The following JAK3 variants were observed in gnomAD, a reference collection of about 807,000 sequenced individuals.
JAK3 encodes the protein tyrosine-protein kinase JAK3.
A neutral mutation model predicts 120.8 loss-of-function variants in JAK3; 88 were observed. That is an observed-to-expected ratio of 0.73 (90% CI 0.61 to 0.87). The LOEUF is 0.87. JAK3 is among the 40% of genes least tolerant of loss of function. JAK3 has a pLI of 0.00. For synonymous variants in JAK3, 592 were observed against 628.6 expected, an observed-to-expected ratio of 0.94 and a Z score of 0.87; for missense variants, 1,254 against 1,501.4, an observed-to-expected ratio of 0.84 and a Z score of 2.72.
At chr19:17,828,149 C>T (rs1209323288) in intron 23 of JAK3, among the ~76,000 whole-genome samples, 1 of 152,116 alleles carries the variant, frequency 6.6e-6, no homozygotes, top group African/African-American at 2.4e-5. Flanking sequence ...CGTAAGAGGC[C>T]CTCTTTGACC....
chr19:17,825,745 C>G lies in JAK3; in HGVS notation c.*998G>C, dbSNP rs574820883. On this transcript the variant is annotated 3_prime_UTR_variant, in exon 24 of 24. Coordinates refer to ENST00000458235, the MANE Select transcript of JAK3 (RefSeq NM_000215.4). The stretch of plus-strand genomic sequence containing the variant: ...TGAAACCCCGTCTCTACTAAAAATA[C>G]AAAAAATTAGCCGGGTGTGGTGGCG... 2 of 158,862 alleles carry G rather than the reference C, an allele frequency of 1.3e-5. No individual in the cohort carries two copies. Among genetic ancestry groups the G allele is most frequent in the South Asian group, 2.1e-4 (1 of 4,876 alleles). The allele number at this position is 158,862 out of a possible 1,614,324, so 9.8% of individuals were successfully genotyped here.
chr19:17,837,038 G>T lies in JAK3; in HGVS notation c.1786+91C>A, dbSNP rs3212756. 0.012 allele frequency: 10,345 copies of T among 836,798 alleles called. 728 individuals are homozygous for T. In the African/African-American group the frequency reaches 0.16, roughly 13 times the overall value. 51.8% of individuals were successfully genotyped at this position (836,798 alleles called of 1,614,324 possible). ...CCAGGGTGGCCCAGTGTGTTGCTGGGGCTGTCATATAGCGGCTCAGAACAG... is the reference window on the plus strand; with the variant it reads ...CCAGGGTGGCCCAGTGTGTTGCTGGTGCTGTCATATAGCGGCTCAGAACAG... On this transcript the variant is annotated intron_variant, in intron 13 of 23. Coordinates refer to ENST00000458235, the MANE Select transcript of JAK3 (RefSeq NM_000215.4).
In JAK3 at chr19:17,843,162, T is replaced by A. The variant is rs1486760100; in HGVS notation, c.431A>T (p.Asp144Val). The change falls in exon 5 of 24, where the codon GAC becomes GTC. Residue 144 changes from aspartate (D) to valine (V), a missense_variant. Asp to Val is a radical substitution (Grantham distance 152, BLOSUM62 -3). This residue lies in a region of JAK3 where 486 missense variants were observed against 503.0 expected (regional missense o/e 0.97). Transcript: ENST00000458235. The surrounding 1 kb of genome is among the most constrained non-coding windows in gnomAD (Gnocchi z 5.4). ...LEHLFAQHRS[D>V]LVSGRLPVGL... ...CACGGGGAGGCGCCCACTCACCAGG[T>A]CACTGCGGTGCTGGGGGGCCGCCAC... 1 of 1,605,480 alleles carries A rather than the reference T, an allele frequency of 6.2e-7. No individual in the cohort carries two copies. The highest frequency in any genetic ancestry group is 8.5e-7 in the Non-Finnish European group (1 of 1,178,832).
At chr19:17,828,128 A>G (rs1208632943) in intron 23 of JAK3, among the ~76,000 whole-genome samples, 1 of 151,922 alleles carries the variant, frequency 6.6e-6, no homozygotes, top group Non-Finnish European at 1.5e-5. Flanking sequence ...TCCTCCTTCC[A>G]GCGTCGGCCC....
intron 8 of JAK3, among the ~76,000 whole-genome samples, chr19:17,840,887 AG>A (rs1350110478): frequency 6.6e-6 from 1 of 152,034 alleles, no homozygotes; most frequent in Non-Finnish European, 1.5e-5. Context: ...GTGCAATCTC[AG>A]CTCACTGCAG....
Position 17,843,026 on chromosome 19 carries a change from C to A in JAK3, c.566+1G>T. The A allele has an allele frequency of 6.2e-7, 1 of 1,610,402 alleles. No individual in the cohort carries two copies. Among genetic ancestry groups the A allele is most frequent in the Non-Finnish European group, 8.5e-7 (1 of 1,179,940 alleles). ...CGTCCCCACAGCCTGGTGGCTCTCACCTGACAGTCTTCAGCAGCTCTCCCG... is the reference window on the plus strand; with the variant it reads ...CGTCCCCACAGCCTGGTGGCTCTCAACTGACAGTCTTCAGCAGCTCTCCCG... On this transcript the variant is annotated splice_donor_variant, in intron 5 of 23. Coordinates refer to ENST00000458235, the MANE Select transcript of JAK3 (RefSeq NM_000215.4). LOFTEE classifies it high-confidence loss of function. The surrounding 1 kb of genome is among the most constrained non-coding windows in gnomAD (Gnocchi z 5.4).
intron 8 of JAK3, among the ~76,000 whole-genome samples, chr19:17,840,756 C>T (rs926580402): frequency 1.3e-5 from 2 of 150,812 alleles, no homozygotes; most frequent in African/African-American, 5.0e-5. Context: ...GAGCCAGACT[C>T]CGTCTCAAAA....
chr19:17,827,411 G>A (rs1289075245), intron 23 of JAK3, among the ~76,000 whole-genome samples: 5 of 151,412 alleles, frequency 3.3e-5, no homozygotes, highest in Non-Finnish European at 7.4e-5. Flanking sequence ...GCAGTGGTGC[G>A]ATCTCGGCTC....
At chr19:17,828,920 C>G (rs920105995) in intron 23 of JAK3, among the ~76,000 whole-genome samples, 1 of 151,828 alleles carries the variant, frequency 6.6e-6, no homozygotes, top group East Asian at 1.9e-4. Context: ...TTTGGGAGGC[C>G]GAGGCAGGAG....
intron 1 of JAK3, among the ~76,000 whole-genome samples, chr19:17,845,445 G>A (rs866349780): frequency 9.9e-5 from 15 of 151,882 alleles, no homozygotes; most frequent in Admixed American, 6.6e-4. Context: ...GTGAGCCACC[G>A]CGCCTGGCCG....
At position 17,843,836 on chromosome 19, in the gene JAK3, G is replaced by A; in HGVS notation, c.249C>T (p.Pro83=). 1 of 1,613,542 alleles carries A rather than the reference G, an allele frequency of 6.2e-7. No homozygotes were observed. The highest frequency in any genetic ancestry group is 8.5e-7 in the Non-Finnish European group (1 of 1,179,964). The part of the protein sequence containing the change: ...LATEDLSCWF[P]PSHIFSVEDA... ...CCTCCACGGAGAAGATGTGGCTCGGGGGGAACCAGCAGGACAGGTCCTCCG... is the reference window on the plus strand; with the variant it reads ...CCTCCACGGAGAAGATGTGGCTCGGAGGGAACCAGCAGGACAGGTCCTCCG... The change falls in exon 3 of 24, where the codon CCC becomes CCT. Residue 83 remains proline (P), a synonymous_variant. Transcript: ENST00000458235. This position sits in a 1 kb window ranked among gnomAD's most constrained non-coding sequence, Gnocchi z 5.4.
intron 13 of JAK3, among the ~76,000 whole-genome samples, chr19:17,836,306 A>G (rs1433291272): frequency 1.3e-5 from 2 of 151,912 alleles, no homozygotes; most frequent in African/African-American, 4.8e-5. Context: ...CTTTTGAGAC[A>G]GAGTCTTACT....
chr19:17,832,571 T>C lies in JAK3; in HGVS notation c.2628A>G (p.Lys876=). ...TGACAATGAAATCACTGTGCAGTGC[T>C]TTGAGGATCTGAATCTCCCGCTGAA... is the stretch of plus-strand genomic sequence containing the variant. ...RDFQREIQIL[K]ALHSDFIVKY... The change falls in exon 19 of 24, where the codon AAA becomes AAG. Residue 876 remains lysine (K), a synonymous_variant. Coordinates refer to ENST00000458235, the MANE Select transcript of JAK3 (RefSeq NM_000215.4). This position sits in a 1 kb window ranked among gnomAD's most constrained non-coding sequence, Gnocchi z 4.7. 2 of 1,614,238 alleles carry C rather than the reference T, an allele frequency of 1.2e-6. No individual in the cohort carries two copies. The highest frequency in any genetic ancestry group is 2.2e-5 in the South Asian group (2 of 91,082).
intron 9 of JAK3, 92 bp from the exon 10 acceptor site, chr19:17,839,755 T>TG: frequency 8.6e-7 from 1 of 1,165,578 alleles, no homozygotes; most frequent in Non-Finnish European, 1.2e-6. Context: ...TTTTTTTTTT[T>TG]TTGGAGACGG....
chr19:17,842,590 G>A lies in JAK3; in HGVS notation c.587C>T (p.Pro196Leu), dbSNP rs2147697992. Residue 196 changes from proline to leucine, a missense_variant, in exon 6 of 24, where the codon CCA becomes CTA. This residue lies in a region of JAK3 where 486 missense variants were observed against 503.0 expected (regional missense o/e 0.97). Transcript: ENST00000458235. This position sits in a 1 kb window ranked among gnomAD's most constrained non-coding sequence, Gnocchi z 6.4. Reference sequence around the variant, plus strand: ...GCCCTGGATCAGGTCGCGCAGGCTTGGGGGTAGGCAGGCCTTGTAGCTGCA... The same window carrying A: ...GCCCTGGATCAGGTCGCGCAGGCTTAGGGGTAGGCAGGCCTTGTAGCTGCA... Reference protein sequence around the residue: ...KTVSYKACLPPSLRDLIQGLS... With the variant: ...KTVSYKACLPLSLRDLIQGLS... 1 of 1,582,226 alleles carries A rather than the reference G, an allele frequency of 6.3e-7. No homozygotes were observed. The highest frequency in any genetic ancestry group is 8.6e-7 in the Non-Finnish European group (1 of 1,163,034).
At chr19:17,835,684 C>T (rs893660758) in intron 14 of JAK3, among the ~76,000 whole-genome samples, 1 of 152,176 alleles carries the variant, frequency 6.6e-6, no homozygotes, top group African/African-American at 2.4e-5. Context: ...GGCCCTATCT[C>T]CAATGTTCCT....
Position 17,838,004 on chromosome 19 carries a change from C to T in JAK3, c.1629G>A (p.Val543=), listed in dbSNP as rs200169705. Reference sequence around the variant, plus strand: ...CTGTCTTTCGGGCCTCCCCATCCACCACCTCATGGCGACAGCCCCGGTAAA... The same window carrying T: ...CTGTCTTTCGGGCCTCCCCATCCACTACCTCATGGCGACAGCCCCGGTAAA... The part of the protein sequence containing the change: ...TKIYRGCRHE[V]VDGEARKTEV... Residue 543 remains valine (V), a synonymous_variant, in exon 12 of 24, where the codon GTG becomes GTA. Transcript: ENST00000458235. 1.2e-6 allele frequency: 2 copies of T among 1,614,136 alleles called. No homozygotes were observed.
At position 17,834,951 on chromosome 19, in the gene JAK3, C is replaced by G. The variant is rs1411300829; in HGVS notation, c.2100G>C (p.Gln700His). The G allele has an allele frequency of 3.1e-6, 5 of 1,614,184 alleles. No homozygotes were observed. Among genetic ancestry groups the G allele is most frequent in the Non-Finnish European group, 4.2e-6 (5 of 1,180,036 alleles). ...WVAPECLREA[Q>H]TLSLEADKWG... ...ACTTGTCAGCTTCCAAGCTAAGTGT[C>G]TGCGCCTCCCGGAGACACTCGGGGG... is the stretch of plus-strand genomic sequence containing the variant. Residue 700 changes from glutamine to histidine, a missense_variant, in exon 16 of 24, where the codon CAG becomes CAC. Gln to His is a conservative substitution (Grantham distance 24). Around this residue, in one of 3 missense-constraint regions of JAK3, gnomAD observed 630 missense variants for 819.8 expected, o/e 0.77. Transcript: ENST00000458235.
Position 17,832,523 on chromosome 19 carries a change from G to A in JAK3, c.2676C>T (p.Gly892=), listed in dbSNP as rs2094216184. 1 of 1,614,176 alleles carries A rather than the reference G, an allele frequency of 6.2e-7. No homozygotes were observed. Among genetic ancestry groups the A allele is most frequent in the African/African-American group, 1.3e-5 (1 of 75,038 alleles). ...CTCATCCGGGAGCTGGCTCACCCGG[G>A]CCATAGCTGACACCACGATACTTGA... is the stretch of plus-strand genomic sequence containing the variant. ...FIVKYRGVSY[G]PGRQSLRLVM... Residue 892 remains glycine, a synonymous_variant, in exon 19 of 24, where the codon GGC becomes GGT. Coordinates refer to ENST00000458235, the MANE Select transcript of JAK3 (RefSeq NM_000215.4). This position sits in a 1 kb window ranked among gnomAD's most constrained non-coding sequence, Gnocchi z 4.7.
Sources: gnomAD v4.1 joint callset for allele counts (sites outside exome capture counted in the v4.1 genomes callset) on GRCh38, gnomAD v4.1.1 for gene constraint, gnomAD v4.1.1 regional missense constraint, Gnocchi (gnomAD v3.1) non-coding constraint, MANE v1.5 for transcripts, NCBI Gene and HGNC (gene_info 2026-07-23, HGNC 2026-07-21) for gene names.